The following LHPP variants were observed in gnomAD, a reference collection of about 807,000 sequenced individuals.
LHPP encodes the protein phospholysine phosphohistidine inorganic pyrophosphate phosphatase, also known as hLHPP.
In LHPP, 24 loss-of-function variants were observed where a neutral mutation model predicts 30.3. The observed-to-expected ratio is 0.79, with a 90% CI of 0.57 to 1.11. LHPP has a LOEUF of 1.11. Ranked by LOEUF, LHPP falls within the 50% of genes most tolerant of loss-of-function variation. The pLI is 0.00. For synonymous variants in LHPP, 150 were observed against 157.1 expected, an observed-to-expected ratio of 0.95 and a Z score of 0.34; for missense variants, 356 against 367.2, an observed-to-expected ratio of 0.97 and a Z score of 0.25.
At chr10:124,487,143 T>C (rs182017548) in intron 2 of LHPP, among the ~76,000 whole-genome samples, 116 of 152,372 alleles carry the variant, frequency 7.6e-4, no homozygotes, top group African/African-American at 2.7e-3. Flanking sequence ...ATGTTGTTGA[T>C]ACCTGGATTG....
rs561043154 is a variant in LHPP at position 124,510,634 on chromosome 10, T to A, written c.625-6546T>A. Among the ~76,000 whole-genome samples the A allele has an allele frequency of 6.6e-6, 1 of 152,346 alleles. No homozygotes were observed. The highest frequency in any genetic ancestry group is 2.1e-4 in the South Asian group (1 of 4,826). On this transcript the variant is annotated intron_variant, in intron 5 of 6. Transcript: ENST00000368842. The surrounding 1 kb of genome is among the most constrained non-coding windows in gnomAD (Gnocchi z 4.0). The stretch of plus-strand genomic sequence containing the variant: ...GGGAAACCTGTGTGCTGTCTGGTTT[T>A]GTATGTGGGAGGAGCATGCACACAG...
At chr10:124,533,033 C>G (rs1954936304) in intron 6 of LHPP, among the ~76,000 whole-genome samples, 1 of 152,224 alleles carries the variant, frequency 6.6e-6, no homozygotes, top group Non-Finnish European at 1.5e-5. Flanking sequence ...TTTGGACTTA[C>G]TTCCCAGGTA....
At position 124,593,820 on chromosome 10, in the gene LHPP, A is replaced by G. The variant is rs536650715; in HGVS notation, c.717-19444A>G. On this transcript the variant is annotated intron_variant, in intron 6 of 6. Transcript: ENST00000368842. The surrounding 1 kb of genome is among the most constrained non-coding windows in gnomAD (Gnocchi z 4.9). ...GCTGACCGAGGGTGTCCCTTACTCCATAAGGTACTGATATGGTCTGCGGAG... is the reference window on the plus strand; with the variant it reads ...GCTGACCGAGGGTGTCCCTTACTCCGTAAGGTACTGATATGGTCTGCGGAG... 2.6e-5 allele frequency among the ~76,000 whole-genome samples: 4 copies of G among 152,338 alleles called. No individual in the cohort carries two copies. Among genetic ancestry groups the G allele is most frequent in the South Asian group, 2.1e-4 (1 of 4,832 alleles).
intron 6 of LHPP, among the ~76,000 whole-genome samples, chr10:124,591,477 G>T (rs1189275967): frequency 1.3e-5 from 2 of 152,094 alleles, no homozygotes; most frequent in African/African-American, 2.4e-5. Context: ...CTGGAAGCCT[G>T]GGGTTCCAGG....
chr10:124,527,677 G>T lies in LHPP; in HGVS notation c.716+10406G>T, dbSNP rs191982067. Among the ~76,000 whole-genome samples the T allele has an allele frequency of 8.5e-4, 129 of 152,300 alleles. 1 individual carries two copies. Among genetic ancestry groups the T allele is most frequent in the African/African-American group, 3.0e-3 (124 of 41,562 alleles). The stretch of plus-strand genomic sequence containing the variant: ...CACCCTCCAGAGGGGGAGTCCAGCT[G>T]CCCGGAGACCCCAAGAGCACTGCCA... On this transcript the variant is annotated intron_variant, in intron 6 of 6. Coordinates refer to ENST00000368842, the MANE Select transcript of LHPP (RefSeq NM_022126.4).
rs71488604 is a variant in LHPP, at chr10:124,478,198, G to A, written c.126-5941G>A. Among the ~76,000 whole-genome samples, 20,921 of 152,218 alleles carry A rather than the reference G, an allele frequency of 0.14. 1,846 individuals are homozygous for A. Among genetic ancestry groups the A allele is most frequent in the Non-Finnish European group, 0.19 (12,700 of 67,968 alleles). Reference sequence around the variant, plus strand: ...ACCAAGGGCTGTGTGGGCGCAGCTCGGAGGATGGGATCTGGCTGGGTGCAT... The same window carrying A: ...ACCAAGGGCTGTGTGGGCGCAGCTCAGAGGATGGGATCTGGCTGGGTGCAT... On this transcript the variant is annotated intron_variant, in intron 1 of 6. Coordinates refer to ENST00000368842, the MANE Select transcript of LHPP (RefSeq NM_022126.4). This position sits in a 1 kb window ranked among gnomAD's most constrained non-coding sequence, Gnocchi z 4.7.
At chr10:124,601,419 A>C (rs899525331) in intron 6 of LHPP, among the ~76,000 whole-genome samples, 4 of 152,170 alleles carry the variant, frequency 2.6e-5, no homozygotes, top group Non-Finnish European at 5.9e-5. Flanking sequence ...GAATTGGGTG[A>C]GGGCCTGAGA....
At chr10:124,462,628 G>A (rs1227940887) in intron 1 of LHPP, among the ~76,000 whole-genome samples, 1 of 152,194 alleles carries the variant, frequency 6.6e-6, no homozygotes, top group Non-Finnish European at 1.5e-5. Flanking sequence ...GACTTCGTGA[G>A]TAAAATGTAA....
At chr10:124,506,271 C>CG (rs1365473659) in intron 5 of LHPP, among the ~76,000 whole-genome samples, 2 of 127,836 alleles carry the variant, frequency 1.6e-5, no homozygotes, top group Admixed American at 8.1e-5. Context: ...AAACCCCCCC[C>CG]CCACCCCGCG....
chr10:124,494,607 T>A (rs1589791009), intron 3 of LHPP, among the ~76,000 whole-genome samples: 1 of 152,166 alleles, frequency 6.6e-6, no homozygotes, highest in East Asian at 1.9e-4. Flanking sequence ...GCCTTGCCTG[T>A]GGTGGCGTGG....
At chr10:124,476,164 C>T (rs962484200) in intron 1 of LHPP, among the ~76,000 whole-genome samples, 10 of 152,090 alleles carry the variant, frequency 6.6e-5, no homozygotes, top group African/African-American at 9.7e-5. Context: ...ATTGCCGTCC[C>T]GCTAAGGTGA....
At chr10:124,601,413 TG>T in intron 6 of LHPP, among the ~76,000 whole-genome samples, 1 of 152,296 alleles carries the variant, frequency 6.6e-6, no homozygotes, top group South Asian at 2.1e-4. Flanking sequence ...GTACGTGAAT[TG>T]GGTGAGGGCC....
chr10:124,576,565 T>C lies in LHPP; in HGVS notation c.717-36699T>C, dbSNP rs1948666065. ...CCCCTTTGCTGCCACCCCTATATCT[T>C]ACCCCAGACTCCCCCATATCTCGCC... On this transcript the variant is annotated intron_variant, in intron 6 of 6. Coordinates refer to ENST00000368842, the MANE Select transcript of LHPP (RefSeq NM_022126.4). This position sits in a 1 kb window ranked among gnomAD's most constrained non-coding sequence, Gnocchi z 4.2. Among the ~76,000 whole-genome samples the C allele has an allele frequency of 6.7e-6, 1 of 149,896 alleles. No individual in the cohort carries two copies. The highest frequency in any genetic ancestry group is 1.5e-5 in the Non-Finnish European group (1 of 67,208).
chr10:124,613,608 G>C lies in LHPP; in HGVS notation c.*248G>C, dbSNP rs2134026263. On this transcript the variant is annotated 3_prime_UTR_variant, in exon 7 of 7. Transcript: ENST00000368842. ...CCCTACCTGGGTGGCCTGCTCCCCT[G>C]CCTGGGCCCTGACTTCAGCTCCCTG... is the stretch of plus-strand genomic sequence containing the variant. The C allele has an allele frequency of 1.8e-6, 1 of 565,202 alleles. No individual in the cohort carries two copies. The allele number at this position is 565,202 out of a possible 1,614,324, so 35.0% of individuals were successfully genotyped here.
chr10:124,473,601 T>A (rs914237021), intron 1 of LHPP, among the ~76,000 whole-genome samples: 2 of 152,110 alleles, frequency 1.3e-5, no homozygotes, highest in African/African-American at 4.8e-5. Context: ...GGGCCCCAGT[T>A]TCCTATGTGT....
intron 6 of LHPP, chr10:124,553,824 C>T (rs1948233615): frequency 1.1e-6 from 1 of 925,216 alleles, no homozygotes; most frequent in Admixed American, 6.2e-5. Flanking sequence ...GCACAGAGAC[C>T]TCCCCCGGGC....
intron 6 of LHPP, among the ~76,000 whole-genome samples, chr10:124,521,149 G>T (rs1012696356): frequency 1.3e-5 from 2 of 152,246 alleles, no homozygotes; most frequent in South Asian, 2.1e-4. Flanking sequence ...GGCTGATGGG[G>T]CCTCGCTCTC....
At chr10:124,581,757 A>C (rs1172956456) in intron 6 of LHPP, among the ~76,000 whole-genome samples, 2 of 77,010 alleles carry the variant, frequency 2.6e-5, no homozygotes, top group African/African-American at 1.2e-4. Context: ...TAATACATAC[A>C]TATATGTATA....
intron 6 of LHPP, among the ~76,000 whole-genome samples, chr10:124,598,928 T>A (rs1283826008): frequency 6.6e-6 from 1 of 150,512 alleles, no homozygotes; most frequent in African/African-American, 2.5e-5. Context: ...TCCACCCTTT[T>A]CTGTCCATCC....
Sources: gnomAD v4.1 joint callset for allele counts (sites outside exome capture counted in the v4.1 genomes callset) on GRCh38, gnomAD v4.1.1 for gene constraint, Gnocchi (gnomAD v3.1) non-coding constraint, MANE v1.5 for transcripts, NCBI Gene and HGNC (gene_info 2026-07-23, HGNC 2026-07-21) for gene names.